Variants in NECAB2 observed in about 807,000 individuals in gnomAD.
NECAB2 encodes the protein N-terminal EF-hand calcium binding protein 2.
NECAB2 carries 68 observed loss-of-function variants against 51.9 expected under a neutral mutation model. The observed-to-expected ratio is 1.31, with a 90% CI of 1.08 to 1.60. The LOEUF (loss-of-function observed/expected upper bound fraction) is 1.60. Ranked by LOEUF, NECAB2 falls within the 40% of genes most tolerant of loss-of-function variation. The pLI, the probability that NECAB2 is intolerant of heterozygous loss-of-function variation, is 0.00. For missense variants in NECAB2, 854 were observed against 490.3 expected, an observed-to-expected ratio of 1.74 and a Z score of -7.00; for synonymous variants, 329 against 203.5, an observed-to-expected ratio of 1.62 and a Z score of -5.25.
intron 9 of NECAB2, among the ~76,000 whole-genome samples, chr16:83,997,478 CCTTTT>C (rs2084727022): frequency 6.7e-5 from 7 of 105,118 alleles, no homozygotes; most frequent in African/African-American, 2.3e-4. Flanking sequence ...GCTCCCTGGA[CCTTTT>C]TTTTTTTTTT....
At chr16:83,996,147 C>G (rs965160888) in intron 8 of NECAB2, among the ~76,000 whole-genome samples, 1 of 152,198 alleles carries the variant, frequency 6.6e-6, no homozygotes, top group Non-Finnish European at 1.5e-5. Flanking sequence ...CTAGGGGCCC[C>G]TGGCTGGGAG....
chr16:84,000,873 G>A lies in NECAB2; in HGVS notation c.1040+72G>A. The A allele has an allele frequency of 2.0e-6, 3 of 1,498,850 alleles. No individual in the cohort carries two copies. In the Admixed American group the frequency reaches 5.1e-5, roughly 25 times the overall value. The allele number at this position is 1,498,850 out of a possible 1,614,324, so 92.8% of individuals were successfully genotyped here. On this transcript the variant is annotated intron_variant, in intron 11 of 12. Coordinates refer to ENST00000305202, the MANE Select transcript of NECAB2 (RefSeq NM_019065.3). ...GGGGGGGCTGTCTTCCTGGAGCCAG[G>A]CATCCTTGGAGGGGAGGGTAAGGCC...
intron 2 of NECAB2, among the ~76,000 whole-genome samples, chr16:83,978,194 G>T (rs1397729604): frequency 6.6e-6 from 1 of 152,232 alleles, no homozygotes; most frequent in South Asian, 2.1e-4. Context: ...CTGGGAATTA[G>T]CTGGATGAGG....
Position 84,001,861 on chromosome 16 carries a change from C to T in NECAB2, c.1077C>T (p.His359=), listed in dbSNP as rs148245337. ...GCCCCCTGTGTAAGGCGTTCCGGCA[C>T]GTCAAGGTGGACACACTGAGCCAGC... The part of the protein sequence containing the change: ...LQSPLCKAFR[H]VKVDTLSQPE... The change falls in exon 12 of 13, where the codon CAC becomes CAT. Residue 359 remains histidine (H), a synonymous_variant. Transcript: ENST00000305202. 8.0e-5 allele frequency: 129 copies of T among 1,614,016 alleles called. No homozygotes were observed. Among genetic ancestry groups the T allele is most frequent in the African/African-American group, 4.3e-4 (32 of 74,932 alleles).
intron 8 of NECAB2, among the ~76,000 whole-genome samples, chr16:83,995,325 A>C (rs773221459): frequency 6.6e-6 from 1 of 152,172 alleles, no homozygotes; most frequent in Non-Finnish European, 1.5e-5. Flanking sequence ...GTGCCACTTC[A>C]TAGCTGTGTG....
At chr16:83,992,327 G>A (rs544081005) in intron 6 of NECAB2, among the ~76,000 whole-genome samples, 1 of 150,314 alleles carries the variant, frequency 6.7e-6, no homozygotes, top group African/African-American at 2.5e-5. Flanking sequence ...AGAGAGGAGC[G>A]ACATTCTCGT....
intron 1 of NECAB2, among the ~76,000 whole-genome samples, chr16:83,969,854 C>G (rs1466756040): frequency 1.3e-5 from 2 of 152,118 alleles, no homozygotes; most frequent in Non-Finnish European, 2.9e-5. Context: ...GCGTGTATCG[C>G]GGATCCCTGT....
upstream of NECAB2, among the ~76,000 whole-genome samples, chr16:83,967,993 G>C (rs1167645822): frequency 6.6e-6 from 1 of 152,010 alleles, no homozygotes; most frequent in Non-Finnish European, 1.5e-5. Context: ...TGGATGGATG[G>C]ATGGATGGAC....
chr16:84,001,361 C>G (rs923867656), intron 11 of NECAB2, among the ~76,000 whole-genome samples: 1 of 152,050 alleles, frequency 6.6e-6, no homozygotes, highest in African/African-American at 2.4e-5. Context: ...GCCCCCATCT[C>G]CTGCTTCCCT....
chr16:83,999,839 AAGGAAGAAG>A (rs1250210465), intron 10 of NECAB2, among the ~76,000 whole-genome samples: 4 of 151,100 alleles, frequency 2.6e-5, no homozygotes, highest in Admixed American at 2.6e-4. Context: ...GGACAAGTAG[AAGGAAGAAG>A]AGGGAAGATG....
At position 83,990,356 on chromosome 16, in the gene NECAB2, A is replaced by T. The variant is rs551114941; in HGVS notation, c.460-138A>T. 405 of 1,111,602 alleles carry T rather than the reference A, an allele frequency of 3.6e-4. 3 individuals are homozygous for T. The South Asian group carries it at 5.5e-3, about 15-fold the overall frequency. 68.9% of individuals were successfully genotyped at this position (1,111,602 alleles called of 1,614,324 possible). On this transcript the variant is annotated intron_variant, in intron 5 of 12. Transcript: ENST00000305202. ...GCTACAGCCTCTAAGACTGGACCCC[A>T]GGAGGCCGTGGGGTCCTCCCTTCCC... is the stretch of plus-strand genomic sequence containing the variant.
chr16:84,002,255 C>A, intron 12 of NECAB2, 63 bp from the exon 13 acceptor site: 2 of 1,581,764 alleles, frequency 1.3e-6, no homozygotes, highest in South Asian at 2.2e-5. Context: ...AAGACGACCA[C>A]CACCAGCTAC....
intron 1 of NECAB2, 25 bp downstream of exon 1, chr16:83,968,874 C>G (rs899707211): frequency 2.2e-5 from 24 of 1,107,764 alleles, no homozygotes; most frequent in Admixed American, 1.0e-4. Context: ...GCCGGGACCC[C>G]CGCCGTGGCC....
Position 84,002,321 on chromosome 16 carries a change from C to G in NECAB2, c.1136C>G (p.Ala379Gly), listed in dbSNP as rs142479674. The change falls in exon 13 of 13, where the codon GCT (alanine) becomes GGT (glycine). Residue 379 changes from alanine (A) to glycine (G), a missense_variant. Ala to Gly is a moderately conservative substitution (Grantham distance 60). Coordinates refer to ENST00000305202, the MANE Select transcript of NECAB2 (RefSeq NM_019065.3). ...EALSRILVPA[A>G]WCTVGRD Reference sequence around the variant, plus strand: ...TAACGTGTCTCTCTCCTTTTAGCTGCTTGGTGCACGGTGGGACGGGACTGA... The same window carrying G: ...TAACGTGTCTCTCTCCTTTTAGCTGGTTGGTGCACGGTGGGACGGGACTGA... 6 of 1,613,856 alleles carry G rather than the reference C, an allele frequency of 3.7e-6. No individual in the cohort carries two copies. The African/African-American group carries it at 8.0e-5, about 22-fold the overall frequency.
chr16:83,983,667 G>C (rs1228124696), intron 5 of NECAB2, among the ~76,000 whole-genome samples: 1 of 152,072 alleles, frequency 6.6e-6, no homozygotes, highest in African/African-American at 2.4e-5. Context: ...TTCGCTCCCT[G>C]TGATAAACCC....
chr16:83,965,390 G>A (rs150791768), upstream of NECAB2: 8,456 of 1,575,000 alleles, frequency 5.4e-3, 40 homozygotes, highest in Non-Finnish European at 5.8e-3. Flanking sequence ...GTCTGCCCTG[G>A]AGGCCGCCAC....
At position 84,002,353 on chromosome 16, in the gene NECAB2, C is replaced by A; in HGVS notation, c.*7C>A. On this transcript the variant is annotated 3_prime_UTR_variant, in exon 13 of 13. Coordinates refer to ENST00000305202, the MANE Select transcript of NECAB2 (RefSeq NM_019065.3). Reference sequence around the variant, plus strand: ...CACGGTGGGACGGGACTGACAGCCTCCCAGAGGCCCGTGGAGGAGCCCACC... The same window carrying A: ...CACGGTGGGACGGGACTGACAGCCTACCAGAGGCCCGTGGAGGAGCCCACC... 1 of 1,613,898 alleles carries A rather than the reference C, an allele frequency of 6.2e-7. No individual in the cohort carries two copies. Among genetic ancestry groups the A allele is most frequent in the South Asian group, 1.1e-5 (1 of 91,076 alleles).
At chr16:83,999,222 G>A (rs1267985941) in intron 10 of NECAB2, among the ~76,000 whole-genome samples, 2 of 152,128 alleles carry the variant, frequency 1.3e-5, no homozygotes, top group Non-Finnish European at 2.9e-5. Flanking sequence ...CCGTTCCCGA[G>A]ACTCGGCGTG....
At chr16:83,984,086 C>G (rs1292993823) in intron 5 of NECAB2, among the ~76,000 whole-genome samples, 1 of 151,306 alleles carries the variant, frequency 6.6e-6, no homozygotes, top group African/African-American at 2.4e-5. Flanking sequence ...AGCTCCGCCT[C>G]CCGGGTTCAC....
Sources: allele counts gnomAD v4.1 joint callset (sites outside exome capture counted in the v4.1 genomes callset), GRCh38; gene constraint gnomAD v4.1.1; transcripts MANE v1.5; gene names NCBI Gene and HGNC (gene_info 2026-07-23, HGNC 2026-07-21).